RERE: variants seen among roughly 807,000 people sequenced by gnomAD.
The protein encoded by RERE is arginine-glutamic acid dipeptide repeats, also known as arginine-glutamic acid dipeptide repeats protein.
Under a neutral mutation model 146.1 loss-of-function variants are expected in RERE, and 40 were observed. The ratio of observed to expected loss-of-function variants is 0.27; its 90% CI spans 0.21 to 0.36. The LOEUF is 0.36. Among genes scored for constraint, RERE ranks in the 10% least tolerant of loss-of-function variants. RERE has a pLI of 1.00. For missense variants in RERE, 1,933 were observed against 2,138.7 expected, an observed-to-expected ratio of 0.90 and a Z score of 1.90; for synonymous variants, 1,003 against 866.0, an observed-to-expected ratio of 1.16 and a Z score of -2.78.
chr1:8,639,623 G>A (rs10779705), intron 2 of RERE, among the ~76,000 whole-genome samples: 128,908 of 152,262 alleles, frequency 0.85, 54,879 homozygotes, highest in East Asian at 0.94. Flanking sequence ...GTAATTACCA[G>A]ATGCAAACTT....
rs1328950182 is a variant in RERE at position 8,497,396 on chromosome 1, T to C, written c.1004+9A>G. ...TTCAGAAAGCAGGATGGGGGTAGAT[T>C]CCTATTACCTTGCTGCCCTCAAGTA... On this transcript the variant is annotated intron_variant, in intron 9 of 22. Coordinates refer to ENST00000400908, the MANE Select transcript of RERE (RefSeq NM_001042681.2). 6.2e-7 allele frequency: 1 copy of C among 1,614,056 alleles called. No individual in the cohort carries two copies. The highest frequency in any genetic ancestry group is 1.1e-5 in the South Asian group (1 of 91,078).
chr1:8,736,347 C>T (rs1640196986), intron 1 of RERE, among the ~76,000 whole-genome samples: 1 of 152,126 alleles, frequency 6.6e-6, no homozygotes, highest in Non-Finnish European at 1.5e-5. Flanking sequence ...GCTGGGACTA[C>T]AGGCGCCCGC....
At chr1:8,564,820 GTGTATATGTGTA>G (rs1646126030) in intron 4 of RERE, among the ~76,000 whole-genome samples, 3 of 97,962 alleles carry the variant, frequency 3.1e-5, no homozygotes, top group South Asian at 5.7e-4. Flanking sequence ...ATGTATGTGT[GTGTATATGTGTA>G]TGTGTGTGTG....
intron 8 of RERE, among the ~76,000 whole-genome samples, chr1:8,503,687 A>AAAT: frequency 6.6e-6 from 1 of 152,326 alleles, no homozygotes; most frequent in East Asian, 1.9e-4. Context: ...TAAGAAGCTT[A>AAAT]AATAATAATA....
At chr1:8,479,376 GT>G (rs1644802575) in intron 10 of RERE, among the ~76,000 whole-genome samples, 1 of 151,776 alleles carries the variant, frequency 6.6e-6, no homozygotes, top group South Asian at 2.1e-4. Context: ...CATTTTAACT[GT>G]GGTAGGCCAA....
chr1:8,589,831 C>T (rs1158498086), intron 4 of RERE, among the ~76,000 whole-genome samples: 1 of 152,208 alleles, frequency 6.6e-6, no homozygotes, highest in Non-Finnish European at 1.5e-5. Context: ...CCAAATGTGG[C>T]AAAACTCACA....
At chr1:8,668,761 C>T (rs575808717) in intron 1 of RERE, among the ~76,000 whole-genome samples, 20 of 152,202 alleles carry the variant, frequency 1.3e-4, no homozygotes, top group African/African-American at 4.8e-4. Context: ...AAAGACAGAT[C>T]CATAGGGACA....
intron 1 of RERE, among the ~76,000 whole-genome samples, chr1:8,712,823 A>ACC (rs1474487283): frequency 1.3e-5 from 2 of 152,154 alleles, no homozygotes; most frequent in Non-Finnish European, 2.9e-5. Flanking sequence ...ACAGGATGTA[A>ACC]CCACAGCTAT....
intron 7 of RERE, among the ~76,000 whole-genome samples, chr1:8,523,194 CAAA>C (rs1645526332): frequency 6.6e-6 from 1 of 151,676 alleles, no homozygotes. Flanking sequence ...GAACCTATCT[CAAA>C]AAGAAAAAGA....
At chr1:8,404,778 A>C (rs186726368) in intron 12 of RERE, among the ~76,000 whole-genome samples, 17 of 152,278 alleles carry the variant, frequency 1.1e-4, no homozygotes, top group African/African-American at 2.9e-4. Context: ...GTGGCAGCAG[A>C]CTGGTGCCAA....
chr1:8,477,018 G>A (rs1416375334), intron 10 of RERE, among the ~76,000 whole-genome samples: 1 of 152,128 alleles, frequency 6.6e-6, no homozygotes, highest in East Asian at 1.9e-4. Context: ...TAAATGAATG[G>A]CTCCTGCACA....
Position 8,727,686 on chromosome 1 carries a change from GT to G in RERE, c.-144-71246del, listed in dbSNP as rs1035961831. Among the ~76,000 whole-genome samples the G allele has an allele frequency of 5.3e-5, 8 of 151,820 alleles. 1 individual carries two copies. The highest frequency in any genetic ancestry group is 1.9e-4 in the African/African-American group (8 of 41,306). On this transcript the variant is annotated intron_variant, in intron 1 of 22. Coordinates refer to ENST00000400908, the MANE Select transcript of RERE (RefSeq NM_001042681.2). Reference sequence around the variant, plus strand: ...TTTTTGTATTTTTGGTAGAGACGGTGTTTCACCATGTTGGCCAGGATGGTCT... The same window carrying G: ...TTTTTGTATTTTTGGTAGAGACGGTGTTCACCATGTTGGCCAGGATGGTCT...
At chr1:8,665,790 C>T (rs1638557936) in intron 1 of RERE, among the ~76,000 whole-genome samples, 1 of 152,134 alleles carries the variant, frequency 6.6e-6, no homozygotes, top group Non-Finnish European at 1.5e-5. Context: ...ATTTAATCTT[C>T]ACTATAACAA....
chr1:8,501,073 T>A (rs1353593131), intron 8 of RERE, among the ~76,000 whole-genome samples: 1 of 94,362 alleles, frequency 1.1e-5, no homozygotes, highest in Non-Finnish European at 2.1e-5. Flanking sequence ...AGCCGCCCCG[T>A]CCGGGAGGTG....
chr1:8,740,503 C>A (rs2124501703), intron 1 of RERE, among the ~76,000 whole-genome samples: 2 of 152,312 alleles, frequency 1.3e-5, no homozygotes, highest in Non-Finnish European at 2.9e-5. Context: ...AATAACAAAT[C>A]AGCCTTAGTT....
chr1:8,501,164 G>T (rs1188635161), intron 8 of RERE, among the ~76,000 whole-genome samples: 1 of 150,044 alleles, frequency 6.7e-6, no homozygotes, highest in African/African-American at 2.5e-5. Context: ...GGGAGGGGGG[G>T]TCAGCCCCCT....
chr1:8,441,595 T>G (rs991429571), intron 11 of RERE, among the ~76,000 whole-genome samples: 1 of 152,238 alleles, frequency 6.6e-6, no homozygotes, highest in South Asian at 2.1e-4. Context: ...GAGGTCCTAG[T>G]GGAAGTGTCA....
At position 8,364,924 on chromosome 1, in the gene RERE, G is replaced by C; in HGVS notation, c.1448-86C>G. ...GGCCGGTGGGGTGGGGGGGAGGGGG[G>C]AACACCTGTGACCTCTGGCCTACTG... On this transcript the variant is annotated intron_variant, in intron 13 of 22. Coordinates refer to ENST00000400908, the MANE Select transcript of RERE (RefSeq NM_001042681.2). This position sits in a 1 kb window ranked among gnomAD's most constrained non-coding sequence, Gnocchi z 5.1. 4.0e-6 allele frequency: 2 copies of C among 504,176 alleles called. No homozygotes were observed. Among genetic ancestry groups the C allele is most frequent in the Non-Finnish European group, 7.4e-6 (2 of 270,526 alleles). 31.2% of individuals were successfully genotyped at this position (504,176 alleles called of 1,614,324 possible). A position where few individuals can be genotyped will look rare whatever the true frequency, so the allele number is the denominator to read the frequency against.
chr1:8,428,007 C>G (rs943920445), intron 11 of RERE, among the ~76,000 whole-genome samples: 1 of 152,188 alleles, frequency 6.6e-6, no homozygotes, highest in Non-Finnish European at 1.5e-5. Context: ...TGGAGACAGT[C>G]TGTTTCTTAA....
Sources: allele counts gnomAD v4.1 joint callset (sites outside exome capture counted in the v4.1 genomes callset), GRCh38; gene constraint gnomAD v4.1.1; non-coding constraint Gnocchi (gnomAD v3.1); transcripts MANE v1.5; gene names NCBI Gene and HGNC (gene_info 2026-07-23, HGNC 2026-07-21).